The following CNTN5 variants were observed in gnomAD, a reference collection of about 807,000 sequenced individuals.
CNTN5 encodes contactin-5.
CNTN5 carries 77 observed loss-of-function variants against 129.1 expected under a neutral mutation model. The ratio of observed to expected loss-of-function variants is 0.60; its 90% confidence interval spans 0.50 to 0.72. The LOEUF (loss-of-function observed/expected upper bound fraction) is 0.72. Among genes scored for constraint, CNTN5 ranks in the 30% least tolerant of loss-of-function variants. The probability of loss-of-function intolerance (pLI) is 0.00; values close to 1 mark genes in which losing one functional copy is unlikely to be tolerated. For missense variants in CNTN5, 1,478 were observed against 1,328.8 expected (o/e 1.11, Z -1.75); for synonymous variants, 509 against 465.6 (o/e 1.09, Z -1.20).
chr11:100,256,188 GTAC>G (rs1224804915), intron 17 of CNTN5, among the ~76,000 whole-genome samples: 5 of 152,074 alleles, frequency 3.3e-5, no homozygotes, highest in African/African-American at 1.2e-4. Flanking sequence ...TGCAAAAATA[GTAC>G]AGAGTTCCTG....
intron 15 of CNTN5, among the ~76,000 whole-genome samples, chr11:100,220,459 G>T (rs1348492784): frequency 6.6e-6 from 1 of 152,022 alleles, no homozygotes; most frequent in Admixed American, 6.5e-5. Context: ...TACATAAAAT[G>T]CTTAATGCTT....
chr11:99,590,103 G>T (rs1345194524), intron 3 of CNTN5, among the ~76,000 whole-genome samples: 2 of 152,118 alleles, frequency 1.3e-5, no homozygotes, highest in Non-Finnish European at 2.9e-5. Context: ...GAGCAGAGAT[G>T]AACAGGCCTC....
intron 1 of CNTN5, among the ~76,000 whole-genome samples, chr11:99,079,613 T>C (rs1204367922): frequency 6.6e-6 from 1 of 152,192 alleles, no homozygotes; most frequent in Non-Finnish European, 1.5e-5. Flanking sequence ...TACAAAATTT[T>C]ATGATGTATC....
intron 2 of CNTN5, among the ~76,000 whole-genome samples, chr11:99,389,753 T>C (rs1941151815): frequency 6.6e-6 from 1 of 152,196 alleles, no homozygotes; most frequent in Non-Finnish European, 1.5e-5. Context: ...AGCTGGAATT[T>C]TCCCCAAGTG....
At chr11:99,084,231 A>G (rs950782926) in intron 1 of CNTN5, among the ~76,000 whole-genome samples, 1 of 152,228 alleles carries the variant, frequency 6.6e-6, no homozygotes, top group African/African-American at 2.4e-5. Context: ...ACTCAAGAAC[A>G]ACCTCTATGG....
intron 1 of CNTN5, among the ~76,000 whole-genome samples, chr11:99,231,766 G>A (rs975389181): frequency 4.1e-4 from 63 of 152,192 alleles, no homozygotes; most frequent in African/African-American, 1.5e-3. Context: ...TTCTTCTAGG[G>A]TTTATATAAT....
chr11:100,180,535 C>T lies in CNTN5; in HGVS notation c.1581-10591C>T, dbSNP rs534711234. On this transcript the variant is annotated intron_variant, in intron 13 of 24. Coordinates refer to ENST00000524871, the MANE Select transcript of CNTN5 (RefSeq NM_014361.4). ...ATATTGTAAAAATTTTAAAAATACA[C>T]ACAAGGAAAGCATAATGAACTAAGG... Among the ~76,000 whole-genome samples the T allele has an allele frequency of 1.5e-3, 222 of 151,978 alleles. 2 individuals carry two copies. The highest frequency in any genetic ancestry group is 5.0e-3 in the South Asian group (24 of 4,826).
chr11:99,969,768 T>TACCTCAAGTACCC (rs1373946883), intron 8 of CNTN5, among the ~76,000 whole-genome samples: 1 of 152,168 alleles, frequency 6.6e-6, no homozygotes, highest in Non-Finnish European at 1.5e-5. Context: ...AATCAGTCAT[T>TACCTCAAGTACCC]CCATGTACTT....
chr11:99,309,126 G>A (rs1864993740), intron 1 of CNTN5, among the ~76,000 whole-genome samples: 1 of 151,264 alleles, frequency 6.6e-6, no homozygotes, highest in South Asian at 2.1e-4. Context: ...AGTTTTTATA[G>A]GCCTGCATGT....
At chr11:99,893,311 A>G (rs1228214614) in intron 6 of CNTN5, among the ~76,000 whole-genome samples, 1 of 152,202 alleles carries the variant, frequency 6.6e-6, no homozygotes, top group East Asian at 1.9e-4. Flanking sequence ...TGTCATTACT[A>G]TCATTTAAAT....
At position 100,316,622 on chromosome 11, in the gene CNTN5, A is replaced by G. The variant is rs74745308; in HGVS notation, c.2730+8154A>G. Among the ~76,000 whole-genome samples the G allele has an allele frequency of 2.6e-5, 4 of 152,288 alleles. No individual in the cohort carries two copies. The East Asian group carries it at 7.7e-4, about 29-fold the overall frequency. On this transcript the variant is annotated intron_variant, in intron 21 of 24. Transcript: ENST00000524871. ...TTTCTAAATAAGTCAACAATAAAAT[A>G]GTTATATTAACTGAATAAAATAAAA...
At chr11:99,796,470 T>C (rs1945944998) in intron 3 of CNTN5, among the ~76,000 whole-genome samples, 1 of 151,894 alleles carries the variant, frequency 6.6e-6, no homozygotes, top group Non-Finnish European at 1.5e-5. Context: ...TAAGTGCGAG[T>C]GACCTGGTGC....
At chr11:99,328,400 C>A (rs995981390) in intron 2 of CNTN5, among the ~76,000 whole-genome samples, 12 of 152,118 alleles carry the variant, frequency 7.9e-5, no homozygotes, top group African/African-American at 2.9e-4. Flanking sequence ...CAGTTCCACA[C>A]AAAATTGTTA....
chr11:99,540,150 C>A lies in CNTN5; in HGVS notation c.-70-15995C>A, dbSNP rs531932251. 1.7e-4 allele frequency among the ~76,000 whole-genome samples: 26 copies of A among 152,030 alleles called. No homozygotes were observed. The South Asian group carries it at 5.0e-3, about 29-fold the overall frequency. ...GAAAAACAATAATATAGACAAGATA[C>A]CTGTAGAGTAAGAAGCTTCTATATT... On this transcript the variant is annotated intron_variant, in intron 2 of 24. Coordinates refer to ENST00000524871, the MANE Select transcript of CNTN5 (RefSeq NM_014361.4).
chr11:99,259,922 G>A (rs887762045), intron 1 of CNTN5, among the ~76,000 whole-genome samples: 1 of 151,684 alleles, frequency 6.6e-6, no homozygotes, highest in Non-Finnish European at 1.5e-5. Context: ...TGGTCACTCT[G>A]TAAACTGTCT....
intron 3 of CNTN5, among the ~76,000 whole-genome samples, chr11:99,815,770 G>T (rs1946567268): frequency 6.6e-6 from 1 of 152,130 alleles, no homozygotes; most frequent in African/African-American, 2.4e-5. Context: ...CTCTGTTGAG[G>T]ATGAAACATA....
At chr11:99,339,808 T>C (rs1260967648) in intron 2 of CNTN5, among the ~76,000 whole-genome samples, 1 of 150,208 alleles carries the variant, frequency 6.7e-6, no homozygotes, top group Admixed American at 6.7e-5. Context: ...AAAAATGCCC[T>C]GAAGCAAGAA....
chr11:99,062,698 T>C (rs917062995), intron 1 of CNTN5, among the ~76,000 whole-genome samples: 1 of 152,110 alleles, frequency 6.6e-6, no homozygotes, highest in African/African-American at 2.4e-5. Flanking sequence ...TAATGGATTT[T>C]ATAAACAATA....
At chr11:99,571,538 GAACTGAATTAA>G (rs535253258) in intron 3 of CNTN5, among the ~76,000 whole-genome samples, 6 of 152,266 alleles carry the variant, frequency 3.9e-5, no homozygotes, top group Admixed American at 2.0e-4. Flanking sequence ...ACTAGAATGA[GAACTGAATTAA>G]AGACTCAGCT....
Sources: allele counts gnomAD v4.1 joint callset (sites outside exome capture counted in the v4.1 genomes callset), GRCh38; gene constraint gnomAD v4.1.1; transcripts MANE v1.5; gene names NCBI Gene and HGNC (gene_info 2026-07-23, HGNC 2026-07-21).